Variants in WDR17 observed in about 807,000 individuals in gnomAD.
The protein encoded by WDR17 is WD repeat domain 17.
In WDR17, 143 loss-of-function variants were observed where a neutral mutation model predicts 161.7. That is an observed-to-expected ratio of 0.88 (90% CI 0.77 to 1.02). WDR17 has a LOEUF of 1.02. Ranked by LOEUF, WDR17 falls within the 50% of genes least tolerant of loss-of-function variation. The pLI, the probability that WDR17 is intolerant of heterozygous loss-of-function variation, is 0.00. For missense variants in WDR17, 1,469 were observed against 1,520.9 expected, an observed-to-expected ratio of 0.97 and a Z score of 0.57; for synonymous variants, 517 against 515.6, an observed-to-expected ratio of 1.00 and a Z score of -0.04.
At chr4:176,075,936 C>T (rs78363457) in intron 1 of WDR17, among the ~76,000 whole-genome samples, 1,819 of 152,082 alleles carry the variant, frequency 0.012, 22 homozygotes, top group Non-Finnish European at 0.019. Flanking sequence ...GATCGGGACA[C>T]TGTACCCCAG....
At chr4:176,168,454 A>G (rs1365306225) in intron 22 of WDR17, among the ~76,000 whole-genome samples, 2 of 152,196 alleles carry the variant, frequency 1.3e-5, no homozygotes, top group African/African-American at 4.8e-5. Flanking sequence ...TTAGTTTTTA[A>G]TATTTAGGAA....
intron 18 of WDR17, 126 bp downstream of exon 18, chr4:176,156,269 T>C: frequency 1.1e-6 from 1 of 876,752 alleles, no homozygotes; most frequent in Non-Finnish European, 1.7e-6. Context: ...AACAATTAAA[T>C]TTTGTATCTA....
chr4:176,091,947 A>G (rs1255487407), intron 1 of WDR17, among the ~76,000 whole-genome samples: 1 of 152,174 alleles, frequency 6.6e-6, no homozygotes, highest in Non-Finnish European at 1.5e-5. Context: ...TGATATCAAA[A>G]CGATAATAAA....
At chr4:176,156,215 T>C (rs968609882) in intron 18 of WDR17, 72 bp downstream of exon 18, 47 of 1,406,198 alleles carry the variant, frequency 3.3e-5, no homozygotes, top group Non-Finnish European at 4.4e-5. Flanking sequence ...TATATAAATA[T>C]GGCAGTAGCT....
At chr4:176,142,261 C>T (rs541699229) in intron 11 of WDR17, among the ~76,000 whole-genome samples, 192 bp downstream of exon 11, 1 of 152,096 alleles carries the variant, frequency 6.6e-6, no homozygotes, top group South Asian at 2.1e-4. Flanking sequence ...GAAGTTTTTA[C>T]ATGATTTACA....
rs138446821 is a variant in WDR17, at chr4:176,159,860, C to A, written c.2526-134C>A. The A allele has an allele frequency of 5.6e-5, 43 of 765,100 alleles. No individual in the cohort carries two copies. The East Asian group carries it at 1.1e-3, about 20-fold the overall frequency. 47.4% of individuals were successfully genotyped at this position (765,100 alleles called of 1,614,324 possible). Reference sequence around the variant, plus strand: ...CACATGTAATTTGATTATAAAATGTCTTTTTTAAAAGTGGTATGCCAAAGG... The same window carrying A: ...CACATGTAATTTGATTATAAAATGTATTTTTTAAAAGTGGTATGCCAAAGG... On this transcript the variant is annotated intron_variant, in intron 18 of 28. Transcript: ENST00000508596.
chr4:176,121,504 G>T (rs1741574810), intron 4 of WDR17, among the ~76,000 whole-genome samples: 1 of 152,134 alleles, frequency 6.6e-6, no homozygotes, highest in Non-Finnish European at 1.5e-5. Flanking sequence ...TGCACCCAAA[G>T]ATTTCATCAG....
At chr4:176,072,634 C>T (rs1733385723) in intron 1 of WDR17, among the ~76,000 whole-genome samples, 1 of 152,068 alleles carries the variant, frequency 6.6e-6, no homozygotes, top group Non-Finnish European at 1.5e-5. Context: ...AAATTCCTTT[C>T]ATTTTTCTGC....
chr4:176,099,642 C>A (rs983777631), intron 1 of WDR17, among the ~76,000 whole-genome samples: 2 of 152,180 alleles, frequency 1.3e-5, no homozygotes, highest in Non-Finnish European at 2.9e-5. Context: ...TTGTTACATG[C>A]ATAGATTGCA....
intron 1 of WDR17, among the ~76,000 whole-genome samples, chr4:176,088,869 C>T (rs1735752792): frequency 6.6e-6 from 1 of 152,016 alleles, no homozygotes; most frequent in South Asian, 2.1e-4. Context: ...TCTAACAATA[C>T]TTGTGGATTA....
chr4:176,095,320 G>A (rs1243980787), intron 1 of WDR17, among the ~76,000 whole-genome samples: 4 of 152,154 alleles, frequency 2.6e-5, no homozygotes, highest in Admixed American at 6.5e-5. Context: ...GGAAGTCATC[G>A]AAATGTTAAC....
At chr4:176,094,552 C>A (rs1736559643) in intron 1 of WDR17, among the ~76,000 whole-genome samples, 2 of 152,126 alleles carry the variant, frequency 1.3e-5, no homozygotes, top group South Asian at 4.1e-4. Context: ...TTAAAAGCTT[C>A]CAGGCAAAAA....
intron 19 of WDR17, 55 bp from the exon 20 acceptor site, chr4:176,160,856 G>T: frequency 7.2e-7 from 1 of 1,381,982 alleles, no homozygotes; most frequent in South Asian, 1.5e-5. Context: ...ATTCTGAAAT[G>T]TGTCAATTAT....
intron 11 of WDR17, among the ~76,000 whole-genome samples, chr4:176,143,610 T>G (rs1370923800): frequency 6.6e-6 from 1 of 152,002 alleles, no homozygotes; most frequent in Non-Finnish European, 1.5e-5. Context: ...GCCCAGGAGG[T>G]CGAGGCTGCA....
At chr4:176,083,872 G>A (rs956635456) in intron 1 of WDR17, among the ~76,000 whole-genome samples, 1 of 152,092 alleles carries the variant, frequency 6.6e-6, no homozygotes, top group East Asian at 1.9e-4. Context: ...TGTTGGGAGG[G>A]CAGCAGTATC....
intron 4 of WDR17, 140 bp from the exon 5 acceptor site, chr4:176,124,964 C>T (rs551445146): frequency 4.2e-5 from 39 of 930,628 alleles, no homozygotes; most frequent in South Asian, 3.9e-4. Flanking sequence ...ATGTCAGTTA[C>T]GCCTTCTGCA....
Position 176,145,849 on chromosome 4 carries a change from C to T in WDR17, c.1530-146C>T, listed in dbSNP as rs1746070770. 5 of 628,970 alleles carry T rather than the reference C, an allele frequency of 7.9e-6. 1 individual carries two copies. The highest frequency in any genetic ancestry group is 5.8e-5 in the South Asian group (2 of 34,262). 39.0% of individuals were successfully genotyped at this position (628,970 alleles called of 1,614,324 possible). On this transcript the variant is annotated intron_variant, in intron 11 of 28. Transcript: ENST00000508596. ...AAATGAGCAGTAGCGTGATTATACA[C>T]GATTTTTTACATATGTAAGTTTTTA...
intron 18 of WDR17, among the ~76,000 whole-genome samples, chr4:176,158,286 G>T (rs901611776): frequency 6.6e-6 from 1 of 152,172 alleles, no homozygotes; most frequent in African/African-American, 2.4e-5. Flanking sequence ...TAGCGTGGAC[G>T]CCATATGTAG....
chr4:176,076,570 T>A (rs1734063991), intron 1 of WDR17, among the ~76,000 whole-genome samples: 1 of 151,916 alleles, frequency 6.6e-6, no homozygotes, highest in African/African-American at 2.4e-5. Flanking sequence ...AAATCTCTTA[T>A]TTTCCAGTGT....
Sources: allele counts gnomAD v4.1 joint callset (sites outside exome capture counted in the v4.1 genomes callset), GRCh38; gene constraint gnomAD v4.1.1; transcripts MANE v1.5; gene names NCBI Gene and HGNC (gene_info 2026-07-23, HGNC 2026-07-21).